Variants in HNF1B observed in about 807,000 individuals in gnomAD.
The protein encoded by HNF1B is hepatocyte nuclear factor 1-beta.
A neutral mutation model predicts 61.7 loss-of-function variants in HNF1B; 8 were observed. The observed-to-expected ratio is 0.13, with a 90% CI of 0.08 to 0.23. The LOEUF (loss-of-function observed/expected upper bound fraction) is 0.23, where lower values mean the gene tolerates loss of function less well. HNF1B is among the 10% of genes least tolerant of loss of function. The probability of loss-of-function intolerance (pLI) is 1.00; values close to 1 mark genes in which losing one functional copy is unlikely to be tolerated. For missense variants in HNF1B, 562 were observed against 714.5 expected (o/e 0.79, Z 2.43); for synonymous variants, 314 against 287.7 (o/e 1.09, Z -0.93).
chr17:37,732,844 T>C (rs911875974), intron 3 of HNF1B, among the ~76,000 whole-genome samples: 2 of 123,706 alleles, frequency 1.6e-5, no homozygotes, highest in African/African-American at 7.0e-5. Context: ...TTTTTTTGTT[T>C]TTTTGTTTTT....
chr17:37,728,202 A>G (rs546922653), intron 4 of HNF1B, among the ~76,000 whole-genome samples: 57 of 150,080 alleles, frequency 3.8e-4, no homozygotes, highest in African/African-American at 1.4e-3. Context: ...GGGTTTCACC[A>G]TGTTGGTCAG....
chr17:37,733,918 C>T lies in HNF1B; in HGVS notation c.545-97G>A. 17 of 1,421,150 alleles carry T rather than the reference C, an allele frequency of 1.2e-5. No homozygotes were observed. In the South Asian group the frequency reaches 1.9e-4, roughly 16 times the overall value. The allele number at this position is 1,421,150 out of a possible 1,614,324, so 88.0% of individuals were successfully genotyped here. A position where few individuals can be genotyped will look rare whatever the true frequency, so the allele number is the denominator to read the frequency against. On this transcript the variant is annotated intron_variant, in intron 2 of 8. Transcript: ENST00000617811. ...GACAACGGACGAAGACACCTTTATT[C>T]CCCTCGTCTAACTAAGCTTTGCAAC...
At chr17:37,703,211 C>T (rs1486541657) in intron 6 of HNF1B, among the ~76,000 whole-genome samples, 3 of 152,228 alleles carry the variant, frequency 2.0e-5, no homozygotes, top group Admixed American at 1.3e-4. Flanking sequence ...CTCACCATTT[C>T]TCATGCTCTG....
intron 4 of HNF1B, among the ~76,000 whole-genome samples, chr17:37,727,704 G>A (rs1383020591): frequency 6.6e-6 from 1 of 152,148 alleles, no homozygotes; most frequent in Non-Finnish European, 1.5e-5. Flanking sequence ...CCAGGACTAG[G>A]GTCACACCGT....
At chr17:37,742,119 G>A (rs1215668674) in intron 1 of HNF1B, among the ~76,000 whole-genome samples, 1 of 152,236 alleles carries the variant, frequency 6.6e-6, no homozygotes, top group East Asian at 1.9e-4. Flanking sequence ...CGGCCGCGGC[G>A]CCCGCAGGGT....
At chr17:37,708,157 C>T (rs559970293) in intron 5 of HNF1B, among the ~76,000 whole-genome samples, 1 of 152,346 alleles carries the variant, frequency 6.6e-6, no homozygotes, top group African/African-American at 2.4e-5. Context: ...GTTCCCTTCC[C>T]TGCATTCCTT....
At chr17:37,709,295 C>T (rs1375054092) in intron 5 of HNF1B, among the ~76,000 whole-genome samples, 1 of 152,128 alleles carries the variant, frequency 6.6e-6, no homozygotes, top group Non-Finnish European at 1.5e-5. Context: ...CACTCTGTTG[C>T]CCAGGCTGGA....
Position 37,731,720 on chromosome 17 carries a change from T to G in HNF1B, c.920A>C (p.Glu307Ala). The change falls in exon 4 of 9, where the codon GAG becomes GCG. Residue 307 changes from glutamate (E) to alanine (A), a missense_variant. This residue lies in a region of HNF1B where 54 missense variants were observed against 122.1 expected (regional missense o/e 0.44). Coordinates refer to ENST00000617811, the MANE Select transcript of HNF1B (RefSeq NM_000458.4). ...YNWFANRRKE[E>A]AFRQKLAMDA... is the part of the protein sequence containing the mutation. Reference sequence around the variant, plus strand: ...CATGGCCAGCTTTTGCCGGAATGCCTCCTCCTTCCTGCGGTTTGCAAACCA... The same window carrying G: ...CATGGCCAGCTTTTGCCGGAATGCCGCCTCCTTCCTGCGGTTTGCAAACCA... 6.2e-7 allele frequency: 1 copy of G among 1,614,060 alleles called. No individual in the cohort carries two copies. The highest frequency in any genetic ancestry group is 8.5e-7 in the Non-Finnish European group (1 of 1,180,004).
rs762227460 is a variant in HNF1B at position 37,744,514 on chromosome 17, G to C, written c.344+27C>G. 31 of 1,596,298 alleles carry C rather than the reference G, an allele frequency of 1.9e-5. No homozygotes were observed. The African/African-American group carries it at 3.6e-4, about 19-fold the overall frequency. ...GCCGGGGCTCCAGGGGTTCGGGTGGGTCCCCTCCACCTCGCTCTGCGCCTA... is the reference window on the plus strand; with the variant it reads ...GCCGGGGCTCCAGGGGTTCGGGTGGCTCCCCTCCACCTCGCTCTGCGCCTA... On this transcript the variant is annotated intron_variant, in intron 1 of 8. Coordinates refer to ENST00000617811, the MANE Select transcript of HNF1B (RefSeq NM_000458.4).
chr17:37,736,754 G>A (rs890395912), intron 2 of HNF1B, among the ~76,000 whole-genome samples: 1 of 152,216 alleles, frequency 6.6e-6, no homozygotes, highest in Admixed American at 6.5e-5. Context: ...GGAGGTAGCA[G>A]GCTGAACAGT....
intron 1 of HNF1B, among the ~76,000 whole-genome samples, chr17:37,743,102 G>T (rs548504242): frequency 6.6e-6 from 1 of 152,226 alleles, no homozygotes; most frequent in Non-Finnish European, 1.5e-5. Context: ...GGCTGGGTGC[G>T]GAGGGGCGCC....
intron 4 of HNF1B, among the ~76,000 whole-genome samples, chr17:37,724,391 G>A (rs954842241): frequency 2.6e-5 from 4 of 152,128 alleles, no homozygotes; most frequent in Non-Finnish European, 5.9e-5. Context: ...CAGGTCCAGG[G>A]TGCAGCTTGG....
intron 2 of HNF1B, among the ~76,000 whole-genome samples, chr17:37,738,747 T>C (rs2033905986): frequency 6.6e-6 from 1 of 152,162 alleles, no homozygotes; most frequent in Non-Finnish European, 1.5e-5. Context: ...AACTTTGGGA[T>C]GGGAATGGGG....
At position 37,687,051 on chromosome 17, in the gene HNF1B, T is replaced by C. The variant is rs545185639; in HGVS notation, c.*321A>G. ...CAAGTTTTCGCATCAGTTTGTTCGATGAAGGATCACAACATAGACAGTACG... is the reference window on the plus strand; with the variant it reads ...CAAGTTTTCGCATCAGTTTGTTCGACGAAGGATCACAACATAGACAGTACG... On this transcript the variant is annotated 3_prime_UTR_variant, in exon 9 of 9. Transcript: ENST00000617811. The C allele has an allele frequency of 5.2e-6, 3 of 573,878 alleles. No homozygotes were observed. Among genetic ancestry groups the C allele is most frequent in the South Asian group, 2.0e-5 (1 of 49,314 alleles). 35.5% of individuals were successfully genotyped at this position (573,878 alleles called of 1,614,324 possible).
intron 4 of HNF1B, among the ~76,000 whole-genome samples, chr17:37,720,164 A>G (rs150145976): frequency 6.6e-6 from 1 of 152,250 alleles, no homozygotes; most frequent in Admixed American, 6.5e-5. Context: ...GTCTGTCCAG[A>G]TAATTGATTT....
intron 4 of HNF1B, among the ~76,000 whole-genome samples, chr17:37,719,498 A>T (rs2033236021): frequency 6.6e-6 from 1 of 152,224 alleles, no homozygotes; most frequent in Non-Finnish European, 1.5e-5. Context: ...AAAACTAAGA[A>T]GGGTTAATGG....
rs114224174 is a variant in HNF1B at position 37,705,115 on chromosome 17, C to T, written c.1207-66G>A. ...GGACCACAAAGAGCAGTTTCCAACA[C>T]GATGTGACTTAGCGATTCCTTGGCA... is the stretch of plus-strand genomic sequence containing the variant. On this transcript the variant is annotated intron_variant, in intron 5 of 8. Coordinates refer to ENST00000617811, the MANE Select transcript of HNF1B (RefSeq NM_000458.4). 1.3e-3 allele frequency: 1,907 copies of T among 1,502,884 alleles called. 13 individuals are homozygous for T. The African/African-American group carries it at 0.021, about 16-fold the overall frequency. The allele number at this position is 1,502,884 out of a possible 1,614,324, so 93.1% of individuals were successfully genotyped here. A position where few individuals can be genotyped will look rare whatever the true frequency, so the allele number is the denominator to read the frequency against.
chr17:37,723,386 TGTTA>T (rs944153479), intron 4 of HNF1B, among the ~76,000 whole-genome samples: 40 of 152,040 alleles, frequency 2.6e-4, no homozygotes, highest in African/African-American at 9.2e-4. Flanking sequence ...AAAAATGCCC[TGTTA>T]GTTACAGGAA....
At chr17:37,710,369 G>A (rs542130741) in intron 5 of HNF1B, 134 bp downstream of exon 5, 35 of 1,200,554 alleles carry the variant, frequency 2.9e-5, no homozygotes, top group Admixed American at 6.8e-5. Flanking sequence ...TCTCCTTTCC[G>A]ACTCTGGACA....
Sources: gnomAD v4.1 joint callset for allele counts (sites outside exome capture counted in the v4.1 genomes callset) on GRCh38, gnomAD v4.1.1 for gene constraint, gnomAD v4.1.1 regional missense constraint, MANE v1.5 for transcripts, NCBI Gene and HGNC (gene_info 2026-07-23, HGNC 2026-07-21) for gene names.